The following SYNE1 variants were observed in gnomAD, a reference collection of about 807,000 sequenced individuals.
The protein encoded by SYNE1 is spectrin repeat containing nuclear envelope protein 1.
Under a neutral mutation model 1,111.0 loss-of-function variants are expected in SYNE1, and 616 were observed. The ratio of observed to expected loss-of-function variants is 0.55; its 90% CI spans 0.52 to 0.59. SYNE1 has a LOEUF of 0.59. Among genes scored for constraint, SYNE1 ranks in the 20% least tolerant of loss-of-function variants. SYNE1 has a pLI of 0.00. For missense variants in SYNE1, 10,006 were observed against 10,417.0 expected (o/e 0.96, Z 1.72); for synonymous variants, 3,855 against 3,825.8 (o/e 1.01, Z -0.28).
At chr6:152,429,081 C>CAAT (rs1244600969) in intron 36 of SYNE1, among the ~76,000 whole-genome samples, 1 of 119,092 alleles carries the variant, frequency 8.4e-6, no homozygotes, top group Non-Finnish European at 1.7e-5. Context: ...CTGTCTATCT[C>CAAT]AATAGTAATA....
chr6:152,402,066 A>G (rs2097828404), intron 46 of SYNE1, among the ~76,000 whole-genome samples: 1 of 152,054 alleles, frequency 6.6e-6, no homozygotes, highest in Non-Finnish European at 1.5e-5. Flanking sequence ...CTCTTCCTTC[A>G]TTTTATTTCT....
intron 3 of SYNE1, among the ~76,000 whole-genome samples, chr6:152,568,139 C>T (rs2099422854): frequency 6.6e-6 from 1 of 151,908 alleles, no homozygotes; most frequent in African/African-American, 2.4e-5. Flanking sequence ...TGAAGACAGA[C>T]ATTTTAGGCC....
intron 122 of SYNE1, 82 bp from the exon 123 acceptor site, chr6:152,213,841 T>C (rs2078022735): frequency 6.4e-7 from 1 of 1,574,144 alleles, no homozygotes; most frequent in Non-Finnish European, 8.7e-7. Flanking sequence ...GATTAAATAA[T>C]CTCTGTGCTC....
intron 130 of SYNE1, among the ~76,000 whole-genome samples, chr6:152,171,757 C>A (rs969946617): frequency 6.6e-6 from 1 of 152,150 alleles, no homozygotes; most frequent in Admixed American, 6.5e-5. Flanking sequence ...CTAGAGCAGG[C>A]CACCTGTTTT....
chr6:152,503,934 G>A (rs908609959), intron 9 of SYNE1, among the ~76,000 whole-genome samples: 4 of 151,968 alleles, frequency 2.6e-5, no homozygotes, highest in African/African-American at 7.3e-5. Flanking sequence ...ATTCCTAAAA[G>A]CTTATACATC....
chr6:152,218,233 G>C, intron 121 of SYNE1, 24 bp downstream of exon 121: 1 of 1,613,614 alleles, frequency 6.2e-7, no homozygotes, highest in Non-Finnish European at 8.5e-7. Context: ...AAAAGATCTG[G>C]GACTCAGATT....
At chr6:152,130,986 C>T (rs549282456) in intron 144 of SYNE1, among the ~76,000 whole-genome samples, 1 of 152,182 alleles carries the variant, frequency 6.6e-6, no homozygotes, top group Non-Finnish European at 1.5e-5. Context: ...ACTGATAAAA[C>T]ATTAAGTTGG....
intron 4 of SYNE1, among the ~76,000 whole-genome samples, chr6:152,529,241 T>C (rs1264805849): frequency 6.6e-6 from 1 of 152,236 alleles, no homozygotes; most frequent in Non-Finnish European, 1.5e-5. Context: ...TTGGAATTTA[T>C]ATATTGTATG....
chr6:152,211,790 T>C (rs1016867994), intron 123 of SYNE1, among the ~76,000 whole-genome samples: 8 of 152,154 alleles, frequency 5.3e-5, no homozygotes, highest in Non-Finnish European at 1.0e-4. Flanking sequence ...TAAAGTTTAG[T>C]GTTTGGTTTA....
At chr6:152,262,630 G>A (rs2092167241) in intron 100 of SYNE1, among the ~76,000 whole-genome samples, 1 of 152,172 alleles carries the variant, frequency 6.6e-6, no homozygotes, top group Non-Finnish European at 1.5e-5. Context: ...ACAGGGCCTG[G>A]AAAGGTAGTA....
chr6:152,158,083 A>G (rs1303881600), intron 131 of SYNE1, among the ~76,000 whole-genome samples: 1 of 152,218 alleles, frequency 6.6e-6, no homozygotes, highest in Admixed American at 6.5e-5. Flanking sequence ...GTAGGGCAGA[A>G]GTAAAATGTT....
chr6:152,455,431 G>T lies in SYNE1; in HGVS notation c.2887C>A (p.His963Asn), dbSNP rs757678373. Residue 963 changes from histidine (H) to asparagine (N), a missense_variant, in exon 24 of 146, where the codon CAC (histidine) becomes AAC (asparagine). Around this residue, in one of 7 missense-constraint regions of SYNE1, gnomAD observed 1,971 missense variants for 2,084.1 expected, o/e 0.95. Transcript: ENST00000367255. ...CCCCTAAAGGGTGGACTCACAGTGT[G>T]TCTCCGCAGGAGCTCCTCTGGATCC... ...KGDPEELLRR[H>N]TEFFSQLDQR... 8 of 1,613,892 alleles carry T rather than the reference G, an allele frequency of 5.0e-6. No homozygotes were observed. The highest frequency in any genetic ancestry group is 6.8e-6 in the Non-Finnish European group (8 of 1,179,898).
rs535397444 is a variant in SYNE1 at position 152,212,444 on chromosome 6, C to A, written c.22495-856G>T. 6.6e-5 allele frequency among the ~76,000 whole-genome samples: 10 copies of A among 152,272 alleles called. No individual in the cohort carries two copies. In the East Asian group the frequency reaches 1.7e-3, roughly 26 times the overall value. ...TTTCCAAGGTTCATACATGTTGCAA[C>A]ATATATCAGTACCTTATTCCTTTTT... is the stretch of plus-strand genomic sequence containing the variant. On this transcript the variant is annotated intron_variant, in intron 123 of 145. Coordinates refer to ENST00000367255, the MANE Select transcript of SYNE1 (RefSeq NM_182961.4).
intron 70 of SYNE1, among the ~76,000 whole-genome samples, chr6:152,351,741 C>G (rs2096744536): frequency 6.6e-6 from 1 of 152,138 alleles, no homozygotes; most frequent in Non-Finnish European, 1.5e-5. Context: ...AAATACCTGG[C>G]TCACGCATCA....
intron 86 of SYNE1, among the ~76,000 whole-genome samples, 187 bp downstream of exon 86, chr6:152,317,894 T>C (rs1221287831): frequency 6.6e-6 from 1 of 152,240 alleles, no homozygotes; most frequent in African/African-American, 2.4e-5. Context: ...TGGCTGGATA[T>C]AAAGTAAGTG....
chr6:152,279,222 T>C (rs2093857952), intron 97 of SYNE1, among the ~76,000 whole-genome samples: 1 of 149,098 alleles, frequency 6.7e-6, no homozygotes, highest in Admixed American at 6.7e-5. Context: ...AAAATAGCCT[T>C]TCTTCTTCCT....
chr6:152,352,014 G>A lies in SYNE1; in HGVS notation c.11580+13C>T, dbSNP rs1300994369. ...GACCTCTGCATGCATCTGTCAATGAGTAAACACACTACCTTGTATTTAGAT... is the reference window on the plus strand; with the variant it reads ...GACCTCTGCATGCATCTGTCAATGAATAAACACACTACCTTGTATTTAGAT... On this transcript the variant is annotated intron_variant, in intron 70 of 145. Coordinates refer to ENST00000367255, the MANE Select transcript of SYNE1 (RefSeq NM_182961.4). The A allele has an allele frequency of 1.9e-6, 3 of 1,612,064 alleles. No individual in the cohort carries two copies. The highest frequency in any genetic ancestry group is 2.5e-6 in the Non-Finnish European group (3 of 1,178,824).
rs984262025 is a variant in SYNE1, at chr6:152,141,987, C to T, written c.25120-658G>A. On this transcript the variant is annotated intron_variant, in intron 138 of 145. Coordinates refer to ENST00000367255, the MANE Select transcript of SYNE1 (RefSeq NM_182961.4). ...TCAGGGCACTAAGGTGAGAAGGTTG[C>T]TTGAGCCCAGGAATTCAGCTGCATG... is the stretch of plus-strand genomic sequence containing the variant. 6.6e-5 allele frequency among the ~76,000 whole-genome samples: 10 copies of T among 152,114 alleles called. No individual in the cohort carries two copies. The East Asian group carries it at 1.2e-3, about 18-fold the overall frequency.
intron 96 of SYNE1, among the ~76,000 whole-genome samples, chr6:152,282,200 A>G (rs895749100): frequency 6.6e-6 from 1 of 152,206 alleles, no homozygotes; most frequent in Admixed American, 6.5e-5. Context: ...AGTGATTTTA[A>G]TGTGTACCTA....
Sources: allele counts gnomAD v4.1 joint callset (sites outside exome capture counted in the v4.1 genomes callset), GRCh38; gene constraint gnomAD v4.1.1; regional missense constraint gnomAD v4.1.1; transcripts MANE v1.5; gene names NCBI Gene and HGNC (gene_info 2026-07-23, HGNC 2026-07-21).